CASP6: variants seen among roughly 807,000 people sequenced by gnomAD.
The protein encoded by CASP6 is caspase 6.
A neutral mutation model predicts 31.8 loss-of-function variants in CASP6; 20 were observed. That is an observed-to-expected ratio of 0.63 (90% CI 0.44 to 0.91). CASP6 has a LOEUF of 0.91. Among genes scored for constraint, CASP6 ranks in the 40% least tolerant of loss-of-function variants. The pLI is 0.00. For missense variants in CASP6, 328 were observed against 361.1 expected (o/e 0.91, Z 0.74); for synonymous variants, 130 against 127.8 (o/e 1.02, Z -0.12).
At chr4:109,703,089 G>A (rs1256630757) in intron 1 of CASP6, among the ~76,000 whole-genome samples, 1 of 152,192 alleles carries the variant, frequency 6.6e-6, no homozygotes, top group Non-Finnish European at 1.5e-5. Flanking sequence ...GGCGGCAGGG[G>A]CACGCCCCGG....
chr4:109,686,915 T>A (rs1331438381), downstream of CASP6, among the ~76,000 whole-genome samples: 1 of 152,024 alleles, frequency 6.6e-6, no homozygotes, highest in Admixed American at 6.6e-5. Context: ...TTGTTAATTA[T>A]GTTTAAGGTA....
the CASP6 span, among the ~76,000 whole-genome samples, chr4:109,672,222 G>T: frequency 2.0e-5 from 3 of 152,172 alleles, no homozygotes; most frequent in Admixed American, 6.5e-5. Flanking sequence ...GCCAGATAAG[G>T]CTCTGGTAAA....
At chr4:109,708,638 G>A in the CASP6 span, among the ~76,000 whole-genome samples, 1 of 152,202 alleles carries the variant, frequency 6.6e-6, no homozygotes. Flanking sequence ...TGGAACTCCA[G>A]TTGGCTGACG....
chr4:109,683,914 G>GT (rs1729772982), downstream of CASP6, among the ~76,000 whole-genome samples: 1 of 152,168 alleles, frequency 6.6e-6, no homozygotes, highest in Non-Finnish European at 1.5e-5. Context: ...TCCAAGGGCA[G>GT]TTATTACCTT....
At chr4:109,704,036 G>C (rs1315917224), upstream of CASP6, among the ~76,000 whole-genome samples, 2 of 152,102 alleles carry the variant, frequency 1.3e-5, no homozygotes, top group Non-Finnish European at 2.9e-5. Context: ...GCTCATAAAG[G>C]AAGGGGAAAT....
At chr4:109,666,817 TG>T in the CASP6 span, among the ~76,000 whole-genome samples, 1 of 152,212 alleles carries the variant, frequency 6.6e-6, no homozygotes, top group Non-Finnish European at 1.5e-5. Context: ...TGTTCAATTT[TG>T]TCAAATCTTT....
chr4:109,684,068 T>TC (rs1348795198), downstream of CASP6, among the ~76,000 whole-genome samples: 1 of 148,874 alleles, frequency 6.7e-6, no homozygotes, highest in African/African-American at 2.4e-5. Flanking sequence ...CTCTTTTCTT[T>TC]TTTTTTTTTT....
intron 5 of CASP6, among the ~76,000 whole-genome samples, chr4:109,691,317 C>A (rs1420306035): frequency 1.3e-5 from 2 of 152,104 alleles, no homozygotes; most frequent in Non-Finnish European, 2.9e-5. Context: ...ACAGATTAAC[C>A]ACACCCAGGG....
downstream of CASP6, among the ~76,000 whole-genome samples, chr4:109,686,964 G>GTT (rs149021049): frequency 2.0e-5 from 3 of 148,490 alleles, no homozygotes; most frequent in Admixed American, 6.7e-5. Flanking sequence ...TAGGTTAAGG[G>GTT]TTTTTTTTTT....
chr4:109,689,439 T>A lies in CASP6; in HGVS notation c.773A>T (p.Gln258Leu). The A allele has an allele frequency of 6.2e-7, 1 of 1,614,230 alleles. No individual in the cohort carries two copies. Among genetic ancestry groups the A allele is most frequent in the Non-Finnish European group, 8.5e-7 (1 of 1,180,042 alleles). The change falls in exon 7 of 7, where the codon CAG becomes CTG. Residue 258 changes from glutamine to leucine, a missense_variant. Physicochemically the swap from Gln to Leu is moderately radical, Grantham distance 113. Transcript: ENST00000265164. ...LLTLVNRKVS[Q>L]RRVDFCKDPS... ...GTCTTTGCAAAAGTCCACTCGGCGCTGAGAAACTTTCCTGTTCACCAGTGT... is the reference window on the plus strand; with the variant it reads ...GTCTTTGCAAAAGTCCACTCGGCGCAGAGAAACTTTCCTGTTCACCAGTGT...
chr4:109,665,598 CT>C, the CASP6 span, among the ~76,000 whole-genome samples: 1 of 152,172 alleles, frequency 6.6e-6, no homozygotes, highest in East Asian at 1.9e-4. Context: ...CTCTAGATTA[CT>C]TACAATACCT....
the CASP6 span, chr4:109,682,568 G>C: frequency 6.3e-7 from 1 of 1,594,106 alleles, no homozygotes; most frequent in Non-Finnish European, 8.5e-7. Context: ...TGTTTCCCTT[G>C]TGTCTTTTCT....
downstream of CASP6, chr4:109,685,230 CTCTCTCTCTTT>C: frequency 1.1e-6 from 1 of 915,090 alleles, no homozygotes; most frequent in Non-Finnish European, 1.7e-6. Context: ...TTGTTTTCTT[CTCTCTCTCTTT>C]TTTTTTAAGG....
intron 2 of CASP6, among the ~76,000 whole-genome samples, 168 bp from the exon 3 acceptor site, chr4:109,697,936 ATC>A (rs1730301713): frequency 6.6e-6 from 1 of 152,176 alleles, no homozygotes; most frequent in Non-Finnish European, 1.5e-5. Flanking sequence ...GTCCTGAAAT[ATC>A]TCTCTGCCAA....
chr4:109,679,470 AC>A, the CASP6 span, among the ~76,000 whole-genome samples: 1 of 151,958 alleles, frequency 6.6e-6, no homozygotes, highest in Non-Finnish European at 1.5e-5. Flanking sequence ...ACACGGCGAA[AC>A]CCCGTCTCCA....
chr4:109,684,314 G>C, downstream of CASP6: 4 of 609,672 alleles, frequency 6.6e-6, no homozygotes, highest in East Asian at 1.2e-4. Context: ...CGCCCACCTC[G>C]GCCTCCCAGA....
chr4:109,673,520 A>C, the CASP6 span, among the ~76,000 whole-genome samples: 2 of 152,250 alleles, frequency 1.3e-5, no homozygotes, highest in African/African-American at 4.8e-5. Flanking sequence ...CAGACTTGCC[A>C]AGTCTCACAG....
intron 6 of CASP6, among the ~76,000 whole-genome samples, chr4:109,690,522 CAA>C (rs35382792): frequency 1.5e-5 from 2 of 130,952 alleles, no homozygotes; most frequent in African/African-American, 2.8e-5. Context: ...GACCTTGTCT[CAA>C]AAAAAAAAAA....
intron 5 of CASP6, among the ~76,000 whole-genome samples, chr4:109,694,198 T>C (rs1327538276): frequency 6.6e-6 from 1 of 152,228 alleles, no homozygotes; most frequent in African/African-American, 2.4e-5. Flanking sequence ...CCTAGTCTGA[T>C]GAGGTTGCCT....
Sources: gnomAD v4.1 joint callset for allele counts (sites outside exome capture counted in the v4.1 genomes callset) on GRCh38, gnomAD v4.1.1 for gene constraint, MANE v1.5 for transcripts, NCBI Gene and HGNC (gene_info 2026-07-23, HGNC 2026-07-21) for gene names.